Variants in ARHGEF7 observed in about 807,000 individuals in gnomAD.
The protein encoded by ARHGEF7 is PAK-interacting exchange factor beta.
Under a neutral mutation model 109.8 loss-of-function variants are expected in ARHGEF7, and 33 were observed. The observed-to-expected ratio is 0.30, with a 90% CI of 0.23 to 0.40. The LOEUF (loss-of-function observed/expected upper bound fraction) is 0.40. Ranked by LOEUF, ARHGEF7 falls within the 10% of genes least tolerant of loss-of-function variation. The probability of loss-of-function intolerance (pLI) is 1.00; values close to 1 mark genes in which losing one functional copy is unlikely to be tolerated. For synonymous variants in ARHGEF7, 458 were observed against 424.6 expected, an observed-to-expected ratio of 1.08 and a Z score of -0.97; for missense variants, 938 against 1,098.5, an observed-to-expected ratio of 0.85 and a Z score of 2.07.
chr13:111,275,972 A>T (rs1164183243), intron 12 of ARHGEF7: 1 of 390,972 alleles, frequency 2.6e-6, no homozygotes, highest in Non-Finnish European at 4.9e-6. Flanking sequence ...AGTCCTGTGC[A>T]CACATCCGCA....
intron 12 of ARHGEF7, 69 bp from the exon 13 acceptor site, chr13:111,277,518 G>C: frequency 1.1e-6 from 1 of 947,202 alleles, no homozygotes; most frequent in Non-Finnish European, 1.7e-6. Flanking sequence ...AATAAGTGAA[G>C]TATTTGTGCT....
At chr13:111,133,175 G>A (rs1027632014) in intron 1 of ARHGEF7, among the ~76,000 whole-genome samples, 33 of 151,762 alleles carry the variant, frequency 2.2e-4, no homozygotes, top group African/African-American at 7.5e-4. Flanking sequence ...GTATATATGT[G>A]CACGTGTATG....
chr13:111,242,438 C>T (rs889059544), intron 6 of ARHGEF7, among the ~76,000 whole-genome samples: 2 of 152,130 alleles, frequency 1.3e-5, no homozygotes, highest in Non-Finnish European at 2.9e-5. Context: ...ACAGACTGAG[C>T]ATGTTTAATA....
At chr13:111,148,106 A>G (rs1474596178) in intron 1 of ARHGEF7, among the ~76,000 whole-genome samples, 1 of 152,170 alleles carries the variant, frequency 6.6e-6, no homozygotes, top group Non-Finnish European at 1.5e-5. Flanking sequence ...CCGTGGCCAC[A>G]CTTGCCATGC....
intron 19 of ARHGEF7, chr13:111,292,805 A>C: frequency 1.1e-5 from 11 of 994,078 alleles, no homozygotes; most frequent in Non-Finnish European, 1.2e-5. Context: ...GATGAGAAGA[A>C]TATATGCAGC....
chr13:111,280,750 T>C (rs2092733729), intron 15 of ARHGEF7, 73 bp downstream of exon 15: 1 of 1,381,782 alleles, frequency 7.2e-7, no homozygotes, highest in South Asian at 1.7e-5. Context: ...CAGCAAGTGA[T>C]CAGTTGCTTT....
chr13:111,192,760 C>CACA (rs1566769308), intron 2 of ARHGEF7, among the ~76,000 whole-genome samples: 5 of 152,162 alleles, frequency 3.3e-5, no homozygotes, highest in African/African-American at 9.7e-5. Flanking sequence ...GGACCATTGT[C>CACA]GCTCTGTAAG....
intron 6 of ARHGEF7, 84 bp downstream of exon 6, chr13:111,233,377 C>G: frequency 1.9e-6 from 2 of 1,062,442 alleles, no homozygotes; most frequent in Non-Finnish European, 2.9e-6. Flanking sequence ...TGTAAAGTAC[C>G]TAGAATAGGA....
At chr13:111,233,118 G>A in intron 5 of ARHGEF7, 87 bp from the exon 6 acceptor site, 1 of 1,103,504 alleles carries the variant, frequency 9.1e-7, no homozygotes, top group Non-Finnish European at 1.4e-6. Context: ...GAGGCTGCTG[G>A]ATGAGTATCC....
chr13:111,146,008 C>G (rs1342197446), intron 1 of ARHGEF7, among the ~76,000 whole-genome samples: 1 of 152,112 alleles, frequency 6.6e-6, no homozygotes, highest in Admixed American at 6.5e-5. Context: ...CATGAGACAT[C>G]GGTGGGCCCT....
At chr13:111,212,842 G>C (rs1324708373) in intron 4 of ARHGEF7, among the ~76,000 whole-genome samples, 2 of 152,158 alleles carry the variant, frequency 1.3e-5, no homozygotes, top group South Asian at 2.1e-4. Context: ...TCTTACAGTT[G>C]ATGGTATGCC....
Position 111,118,367 on chromosome 13 carries a change from T to A in ARHGEF7, c.165+2676T>A, listed in dbSNP as rs910035732. Among the ~76,000 whole-genome samples the A allele has an allele frequency of 5.1e-4, 77 of 152,200 alleles. 1 individual carries two copies. The highest frequency in any genetic ancestry group is 1.8e-3 in the African/African-American group (76 of 41,458). On this transcript the variant is annotated intron_variant, in intron 1 of 21. Transcript: ENST00000646102. ...CCCGCTTTGCTTTTAAGGTGGAAGG[T>A]TAGACAGTGAGAAGATGGAATTATA...
At chr13:111,123,532 G>A (rs1046361326) in intron 1 of ARHGEF7, among the ~76,000 whole-genome samples, 5 of 152,106 alleles carry the variant, frequency 3.3e-5, no homozygotes, top group Non-Finnish European at 5.9e-5. Flanking sequence ...GGGACATGCC[G>A]ATATATGTAA....
At position 111,299,768 on chromosome 13, in the gene ARHGEF7, C is replaced by T. The variant is rs144607379; in HGVS notation, c.2312-980C>T. The stretch of plus-strand genomic sequence containing the variant: ...CAAACTTTTAGGAACAAGCAAAAGG[C>T]GGGCCAGAAGAAAGACCCAGCAAGC... On this transcript the variant is annotated intron_variant, in intron 19 of 21. Coordinates refer to ENST00000646102, the MANE Select transcript of ARHGEF7 (RefSeq NM_001354046.2). Among the ~76,000 whole-genome samples, 113 of 152,232 alleles carry T rather than the reference C, an allele frequency of 7.4e-4. 1 individual carries two copies. The East Asian group carries it at 0.013, about 18-fold the overall frequency.
intron 2 of ARHGEF7, among the ~76,000 whole-genome samples, chr13:111,161,343 C>T (rs11838956): frequency 0.23 from 35,521 of 151,938 alleles, 4,394 homozygotes; most frequent in Admixed American, 0.33. Flanking sequence ...ATTTGCTTTG[C>T]GGGGGACGGT....
At chr13:111,291,100 C>T (rs529946022) in intron 18 of ARHGEF7, among the ~76,000 whole-genome samples, 42 of 152,322 alleles carry the variant, frequency 2.8e-4, no homozygotes, top group Middle Eastern at 3.4e-3. Context: ...GTAGTTCTCG[C>T]AGTCTGAGAA....
chr13:111,221,528 T>TATAGATAC (rs2084298329), intron 5 of ARHGEF7, among the ~76,000 whole-genome samples: 1 of 36,660 alleles, frequency 2.7e-5, no homozygotes, highest in East Asian at 2.3e-3. Context: ...TATATCTATA[T>TATAGATAC]ATATCTATAT....
At chr13:111,195,826 T>C (rs980250424) in intron 2 of ARHGEF7, among the ~76,000 whole-genome samples, 5 of 152,200 alleles carry the variant, frequency 3.3e-5, no homozygotes, top group African/African-American at 1.2e-4. Context: ...TTTTCTGTCT[T>C]CTCTGAACCA....
intron 2 of ARHGEF7, among the ~76,000 whole-genome samples, chr13:111,195,240 G>C (rs531935708): frequency 2.0e-5 from 3 of 152,244 alleles, no homozygotes; most frequent in African/African-American, 7.2e-5. Context: ...AGACTTCAGG[G>C]TTGATTCCCT....
Sources: allele counts gnomAD v4.1 joint callset (sites outside exome capture counted in the v4.1 genomes callset), GRCh38; gene constraint gnomAD v4.1.1; transcripts MANE v1.5; gene names NCBI Gene and HGNC (gene_info 2026-07-23, HGNC 2026-07-21).